REL: variants seen among roughly 807,000 people sequenced by gnomAD.
REL encodes REL proto-oncogene, NF-kB subunit.
In REL, 15 loss-of-function variants were observed where a neutral mutation model predicts 45.9. The ratio of observed to expected loss-of-function variants is 0.33; its 90% confidence interval spans 0.22 to 0.50. The LOEUF (loss-of-function observed/expected upper bound fraction) is 0.50, where lower values mean the gene tolerates loss of function less well. Ranked by LOEUF, REL falls within the 20% of genes least tolerant of loss-of-function variation. The probability of loss-of-function intolerance (pLI) is 0.98; values close to 1 mark genes in which losing one functional copy is unlikely to be tolerated. For synonymous variants in REL, 239 were observed against 242.1 expected (o/e 0.99, Z 0.12); for missense variants, 601 against 715.2 (o/e 0.84, Z 1.82).
intron 3 of REL, among the ~76,000 whole-genome samples, chr2:60,897,500 G>A (rs1020849336): frequency 7.2e-5 from 11 of 151,844 alleles, no homozygotes; most frequent in African/African-American, 2.4e-4. Context: ...TAGATACGGG[G>A]TTTCATCATG....
intron 4 of REL, among the ~76,000 whole-genome samples, chr2:60,912,821 C>CA (rs1296769655): frequency 1.3e-5 from 2 of 151,260 alleles, no homozygotes; most frequent in Non-Finnish European, 1.5e-5. Flanking sequence ...TAGTGTATGA[C>CA]AGAGGTGGCA....
At chr2:60,907,735 G>T (rs1673702157) in intron 4 of REL, among the ~76,000 whole-genome samples, 1 of 151,492 alleles carries the variant, frequency 6.6e-6, no homozygotes, top group African/African-American at 2.4e-5. Flanking sequence ...CTGTTGCCCA[G>T]GCTGGAGTGC....
intron 1 of REL, among the ~76,000 whole-genome samples, chr2:60,889,316 G>A (rs1037401957): frequency 8.5e-5 from 13 of 152,106 alleles, no homozygotes; most frequent in Non-Finnish European, 1.8e-4. Flanking sequence ...TTTTGTTAGT[G>A]CTTTCCTTCC....
At chr2:60,897,992 CCT>C (rs1391314170) in intron 3 of REL, among the ~76,000 whole-genome samples, 1 of 152,074 alleles carries the variant, frequency 6.6e-6, no homozygotes, top group Non-Finnish European at 1.5e-5. Context: ...CGATAAAAGA[CCT>C]ATAGGTGTCA....
chr2:60,920,985 T>C (rs1310158238), intron 9 of REL, among the ~76,000 whole-genome samples: 1 of 152,176 alleles, frequency 6.6e-6, no homozygotes, highest in Non-Finnish European at 1.5e-5. Flanking sequence ...TGATTAAATA[T>C]TATCTCTAAA....
intron 2 of REL, among the ~76,000 whole-genome samples, chr2:60,892,562 G>A (rs1287696494): frequency 6.6e-6 from 1 of 151,814 alleles, no homozygotes; most frequent in Non-Finnish European, 1.5e-5. Context: ...CCGAGTAGCT[G>A]GGATTACAGA....
chr2:60,891,174 C>T (rs34493725), intron 1 of REL, among the ~76,000 whole-genome samples: 20,869 of 152,168 alleles, frequency 0.14, 1,896 homozygotes, highest in Non-Finnish European at 0.21. Flanking sequence ...CTTACATATG[C>T]TTCTGCAAGG....
intron 1 of REL, among the ~76,000 whole-genome samples, chr2:60,888,252 C>T (rs1673118829): frequency 6.6e-6 from 1 of 151,968 alleles, no homozygotes; most frequent in Admixed American, 6.6e-5. Context: ...TGAATGCTCA[C>T]TATGAACCTA....
intron 4 of REL, among the ~76,000 whole-genome samples, chr2:60,905,445 A>C (rs1673618496): frequency 6.6e-6 from 1 of 152,174 alleles, no homozygotes; most frequent in Admixed American, 6.5e-5. Flanking sequence ...TCTCAATTTG[A>C]ATGTGCATAG....
chr2:60,910,801 G>T (rs956393356), intron 4 of REL, among the ~76,000 whole-genome samples: 4 of 152,008 alleles, frequency 2.6e-5, no homozygotes, highest in Admixed American at 2.6e-4. Flanking sequence ...GCATGGTGGT[G>T]CATGCCTGTA....
Position 60,921,936 on chromosome 2 carries a change from C to T in REL, c.1165C>T (p.Arg389Cys), listed in dbSNP as rs772899527. The part of the protein sequence containing the change: ...SWSSVAHPTP[R>C]SGNTNPLSSF... ...GTCATCAGTGGCCCACCCCACCCCACGCTCAGGCAATACAAACCCACTGAG... is the reference window on the plus strand; with the variant it reads ...GTCATCAGTGGCCCACCCCACCCCATGCTCAGGCAATACAAACCCACTGAG... Residue 389 changes from arginine to cysteine, a missense_variant, in exon 10 of 10, where the codon CGC becomes TGC. By Grantham distance (180) the Arg-to-Cys change is radical. Around this residue, in one of 4 missense-constraint regions of REL, gnomAD observed 334 missense variants for 333.1 expected, o/e 1.00. Transcript: ENST00000394479. The T allele has an allele frequency of 2.3e-5, 37 of 1,614,020 alleles. No homozygotes were observed. Among genetic ancestry groups the T allele is most frequent in the South Asian group, 3.3e-5 (3 of 91,086 alleles).
chr2:60,891,714 A>C lies in REL; in HGVS notation c.42A>C (p.Glu14Asp), dbSNP rs1359804880. The change falls in exon 2 of 10, where the codon GAA becomes GAC. Residue 14 changes from glutamate to aspartate, a missense_variant. By Grantham distance (45) the Glu-to-Asp change is conservative (BLOSUM62 2). Transcript: ENST00000394479. ...ATAACCCGTATATAGAGATAATTGA[A>C]CAACCCAGGCAGAGGGGAATGCGTT... is the stretch of plus-strand genomic sequence containing the variant. ...GAYNPYIEII[E>D]QPRQRGMRFR... 6.2e-7 allele frequency: 1 copy of C among 1,613,988 alleles called. No homozygotes were observed. The highest frequency in any genetic ancestry group is 8.5e-7 in the Non-Finnish European group (1 of 1,179,932).
intron 1 of REL, among the ~76,000 whole-genome samples, chr2:60,886,341 C>T (rs976723206): frequency 2.0e-5 from 3 of 152,130 alleles, no homozygotes; most frequent in African/African-American, 7.2e-5. Flanking sequence ...TTGGCTATAC[C>T]AGGATGCATT....
At position 60,927,797 on chromosome 2, in the gene REL, G is replaced by C. The variant is rs146003256; in HGVS notation, c.*5262G>C. ...TACAGCTTAATTAATTTTTATGTATGTTAACACCCATGTCACCACCATGTT... is the reference window on the plus strand; with the variant it reads ...TACAGCTTAATTAATTTTTATGTATCTTAACACCCATGTCACCACCATGTT... On this transcript the variant is annotated 3_prime_UTR_variant, in exon 10 of 10. Transcript: ENST00000394479. The C allele has an allele frequency of 8.8e-6, 2 of 227,988 alleles. No individual in the cohort carries two copies. The highest frequency in any genetic ancestry group is 4.4e-5 in the African/African-American group (2 of 45,114). The allele number at this position is 227,988 out of a possible 1,614,324, so 14.1% of individuals were successfully genotyped here.
In REL at chr2:60,927,690, T is replaced by A; in HGVS notation, c.*5155T>A. ...ACAGAGGTGAATAAGACAAAAACTC[T>A]TGCTCTCAAAGATGTCAGTCTTTTT... On this transcript the variant is annotated 3_prime_UTR_variant, in exon 10 of 10. Coordinates refer to ENST00000394479, the MANE Select transcript of REL (RefSeq NM_001291746.2). 1 of 229,646 alleles carries A rather than the reference T, an allele frequency of 4.4e-6. No individual in the cohort carries two copies. Among genetic ancestry groups the A allele is most frequent in the Non-Finnish European group, 8.6e-6 (1 of 115,752 alleles). The allele number at this position is 229,646 out of a possible 1,614,324, so 14.2% of individuals were successfully genotyped here. A position where few individuals can be genotyped will look rare whatever the true frequency, so the allele number is the denominator to read the frequency against.
intron 4 of REL, among the ~76,000 whole-genome samples, chr2:60,907,697 C>G (rs1027619928): frequency 1.4e-5 from 2 of 139,884 alleles, no homozygotes; most frequent in African/African-American, 5.2e-5. Flanking sequence ...TTGTACTTTT[C>G]TTTTTTTTTT....
At chr2:60,917,990 A>C (rs906465832) in intron 5 of REL, among the ~76,000 whole-genome samples, 1 of 152,204 alleles carries the variant, frequency 6.6e-6, no homozygotes, top group African/African-American at 2.4e-5. Flanking sequence ...GTCATTACCT[A>C]GAAATGAAGC....
At chr2:60,917,709 T>TAC (rs1674018800) in intron 5 of REL, among the ~76,000 whole-genome samples, 1 of 150,208 alleles carries the variant, frequency 6.7e-6, no homozygotes, top group Admixed American at 6.6e-5. Context: ...TGTGTGTGTG[T>TAC]GTGTGTACGT....
chr2:60,885,416 C>T (rs1437136489), intron 1 of REL, among the ~76,000 whole-genome samples: 4 of 152,100 alleles, frequency 2.6e-5, no homozygotes, highest in South Asian at 2.1e-4. Context: ...TACCCTGGCA[C>T]GTGCAAGAGT....
Sources: allele counts gnomAD v4.1 joint callset (sites outside exome capture counted in the v4.1 genomes callset), GRCh38; gene constraint gnomAD v4.1.1; regional missense constraint gnomAD v4.1.1; transcripts MANE v1.5; gene names NCBI Gene and HGNC (gene_info 2026-07-23, HGNC 2026-07-21).